CNGA3: variants seen among roughly 807,000 people sequenced by gnomAD.
The protein encoded by CNGA3 is cyclic nucleotide gated channel subunit alpha 3.
In CNGA3, 42 loss-of-function variants were observed where a neutral mutation model predicts 46.6. That is an observed-to-expected ratio of 0.90 (90% CI 0.70 to 1.17). The LOEUF (loss-of-function observed/expected upper bound fraction) is 1.17, where lower values mean the gene tolerates loss of function less well. Among genes scored for constraint, CNGA3 ranks in the 50% most tolerant of loss-of-function variants. The probability of loss-of-function intolerance (pLI) is 0.00; values close to 1 mark genes in which losing one functional copy is unlikely to be tolerated. For synonymous variants in CNGA3, 394 were observed against 369.4 expected, an observed-to-expected ratio of 1.07 and a Z score of -0.76; for missense variants, 893 against 890.7, an observed-to-expected ratio of 1.00 and a Z score of -0.03.
chr2:98,362,173 C>CTTTTTTT (rs1231791527), intron 1 of CNGA3, among the ~76,000 whole-genome samples: 6 of 89,826 alleles, frequency 6.7e-5, no homozygotes, highest in Admixed American at 1.3e-4. Flanking sequence ...CCTTTGCCCA[C>CTTTTTTT]TTTTTTTTTT....
At position 98,389,857 on chromosome 2, in the gene CNGA3, G is replaced by A. The variant is rs75997200; in HGVS notation, c.566+83G>A. 3.8e-4 allele frequency: 439 copies of A among 1,146,752 alleles called. 4 individuals carry two copies. In the East Asian group the frequency reaches 9.6e-3, roughly 25 times the overall value. 71.0% of individuals were successfully genotyped at this position (1,146,752 alleles called of 1,614,324 possible). On this transcript the variant is annotated intron_variant, in intron 6 of 7. Transcript: ENST00000272602. Reference sequence around the variant, plus strand: ...GGAGCCAGAGCTCCACCTCTCCCTCGGGAGGCCTGAGGCCTGGACCCCTCA... The same window carrying A: ...GGAGCCAGAGCTCCACCTCTCCCTCAGGAGGCCTGAGGCCTGGACCCCTCA...
At chr2:98,373,889 C>T (rs1692346423) in intron 2 of CNGA3, among the ~76,000 whole-genome samples, 1 of 152,166 alleles carries the variant, frequency 6.6e-6, no homozygotes. Context: ...TGTGTTACTC[C>T]CTGAGCAGAG....
rs1174225295 is a variant in CNGA3 at position 98,383,388 on chromosome 2, C to T, written c.396C>T (p.Ser132=). The T allele has an allele frequency of 4.3e-6, 7 of 1,614,058 alleles. No individual in the cohort carries two copies. The highest frequency in any genetic ancestry group is 3.4e-6 in the Non-Finnish European group (4 of 1,179,992). Residue 132 remains serine (S), a splice_region_variant and synonymous_variant, in exon 5 of 8, where the codon AGC becomes AGT. Transcript: ENST00000272602. ...TGATGTTCTCTCTACCTTCCCGCAG[C>T]GCCTGGCCCCTGGCCAAATGCAACA... ...GSQEPADRGR[S]AWPLAKCNTN... is the part of the protein sequence containing the mutation.
intron 1 of CNGA3, among the ~76,000 whole-genome samples, chr2:98,363,026 T>A (rs1406531456): frequency 6.6e-6 from 1 of 152,190 alleles, no homozygotes; most frequent in East Asian, 1.9e-4. Context: ...TATTTTTGTA[T>A]CAGTACCATG....
intron 2 of CNGA3, 75 bp from the exon 3 acceptor site, chr2:98,377,612 G>T (rs527554090): frequency 3.6e-6 from 5 of 1,385,340 alleles, no homozygotes; most frequent in Non-Finnish European, 5.0e-6. Flanking sequence ...ACATCTGACT[G>T]TCTCACTCCT....
intron 2 of CNGA3, chr2:98,377,449 C>A: frequency 2.0e-6 from 1 of 506,762 alleles, no homozygotes; most frequent in East Asian, 3.6e-5. Context: ...ACCTTCCCGT[C>A]CTTTCACCTA....
At chr2:98,395,711 G>A (rs949180855) in intron 7 of CNGA3, 133 bp from the exon 8 acceptor site, 1 of 738,238 alleles carries the variant, frequency 1.4e-6, no homozygotes, top group South Asian at 1.6e-5. Flanking sequence ...GGTAAGTGTT[G>A]TTTTTGAAAT....
In CNGA3 at chr2:98,396,500, C is replaced by T; in HGVS notation, c.1330C>T (p.Leu444=). The part of the protein sequence containing the change: ...ETRVIRWFDY[L]WANKKTVDEK... ...GCGGGTTATCCGGTGGTTTGACTAC[C>T]TGTGGGCCAACAAGAAGACGGTGGA... Residue 444 remains leucine, a synonymous_variant, in exon 8 of 8, where the codon CTG becomes TTG. Transcript: ENST00000272602. 6.2e-7 allele frequency: 1 copy of T among 1,613,996 alleles called. No individual in the cohort carries two copies. Among genetic ancestry groups the T allele is most frequent in the Non-Finnish European group, 8.5e-7 (1 of 1,180,038 alleles).
intron 4 of CNGA3, among the ~76,000 whole-genome samples, chr2:98,380,913 G>A (rs977297349): frequency 6.6e-6 from 1 of 152,192 alleles, no homozygotes; most frequent in African/African-American, 2.4e-5. Context: ...TGGGGAAGGG[G>A]ACAATGGTGA....
chr2:98,352,468 C>T, intron 1 of CNGA3, among the ~76,000 whole-genome samples: 1 of 152,142 alleles, frequency 6.6e-6, no homozygotes, highest in East Asian at 1.9e-4. Flanking sequence ...AGCTGTTCTC[C>T]AAAGTGGCTA....
intron 4 of CNGA3, 119 bp downstream of exon 4, chr2:98,380,473 G>A (rs1161524168): frequency 5.5e-6 from 7 of 1,274,722 alleles, no homozygotes; most frequent in Non-Finnish European, 7.8e-6. Context: ...ATCCCCATGA[G>A]CTGTTCCTTG....
At chr2:98,395,016 C>G (rs528814408) in intron 7 of CNGA3, among the ~76,000 whole-genome samples, 1 of 152,300 alleles carries the variant, frequency 6.6e-6, no homozygotes, top group African/African-American at 2.4e-5. Context: ...CTGCCTGCTG[C>G]CTGCTCTGTC....
At position 98,377,708 on chromosome 2, in the gene CNGA3, G is replaced by T. The variant is rs763837833; in HGVS notation, c.123G>T (p.Glu41Asp). ...GLSRAHSSSE[E>D]TSSVLQPGIA... ...CTAGAGCCCACTCGTCAAGTGAGGA[G>T]ACATCGTCAGTGCTGCAGCCGGGGA... Residue 41 changes from glutamate to aspartate, a missense_variant, in exon 3 of 8, where the codon GAG becomes GAT. This residue lies in a region of CNGA3 where 333 missense variants were observed against 290.8 expected (regional missense o/e 1.15). Coordinates refer to ENST00000272602, the MANE Select transcript of CNGA3 (RefSeq NM_001298.3). 7 of 1,613,436 alleles carry T rather than the reference G, an allele frequency of 4.3e-6. No individual in the cohort carries two copies. The Admixed American group carries it at 1.2e-4, about 27-fold the overall frequency.
At position 98,396,801 on chromosome 2, in the gene CNGA3, G is replaced by A; in HGVS notation, c.1631G>A (p.Gly544Asp). Residue 544 changes from glycine to aspartate, a missense_variant, in exon 8 of 8, where the codon GGC (glycine) becomes GAC (aspartate). This residue lies in a region of CNGA3 where 548 missense variants were observed against 570.8 expected (regional missense o/e 0.96). Coordinates refer to ENST00000272602, the MANE Select transcript of CNGA3 (RefSeq NM_001298.3). The part of the protein sequence containing the change: ...GVTQFVVLSD[G>D]SYFGEISILN... The stretch of plus-strand genomic sequence containing the variant: ...ACCCAGTTCGTGGTCCTCAGCGATG[G>A]CAGCTACTTCGGGGAGATCAGCATT... 1 of 1,614,178 alleles carries A rather than the reference G, an allele frequency of 6.2e-7. No homozygotes were observed. Among genetic ancestry groups the A allele is most frequent in the Non-Finnish European group, 8.5e-7 (1 of 1,180,030 alleles).
At chr2:98,348,543 C>G (rs114489838) in intron 1 of CNGA3, among the ~76,000 whole-genome samples, 4,230 of 152,242 alleles carry the variant, frequency 0.028, 184 homozygotes, top group African/African-American at 0.096. Flanking sequence ...GTTCCAGAAC[C>G]CTTCTCCGTC....
In CNGA3 at chr2:98,396,448, C is replaced by T. The variant is rs908538071; in HGVS notation, c.1278C>T (p.Phe426=). The T allele has an allele frequency of 9.3e-6, 15 of 1,613,864 alleles. 1 individual carries two copies. Among genetic ancestry groups the T allele is most frequent in the East Asian group, 4.5e-5 (2 of 44,868 alleles). The change falls in exon 8 of 8, where the codon TTC becomes TTT. Residue 426 remains phenylalanine (F), a synonymous_variant. Transcript: ENST00000272602. ...ATTCCATCAAGCAGTACATGCAGTTCCGCAAGGTCACCAAGGACTTGGAGA... is the reference window on the plus strand; with the variant it reads ...ATTCCATCAAGCAGTACATGCAGTTTCGCAAGGTCACCAAGGACTTGGAGA... ...KIDSIKQYMQ[F]RKVTKDLETR... is the part of the protein sequence containing the mutation.
At chr2:98,390,743 G>T (rs1399974419) in intron 6 of CNGA3, among the ~76,000 whole-genome samples, 1 of 152,130 alleles carries the variant, frequency 6.6e-6, no homozygotes, top group Non-Finnish European at 1.5e-5. Flanking sequence ...GCTCTCTCTA[G>T]GTAAGCATGG....
Position 98,397,230 on chromosome 2 carries a change from C to T in CNGA3, c.2060C>T (p.Thr687Ile), listed in dbSNP as rs772341630. The T allele has an allele frequency of 8.1e-6, 13 of 1,613,880 alleles. No homozygotes were observed. The highest frequency in any genetic ancestry group is 1.1e-5 in the South Asian group (1 of 91,084). ...GATGGGGAAGTTCCCGGGGATGCTA[C>T]AAAAACAGAGGACAAACAACAGTGA... ...LADGEVPGDA[T>I]KTEDKQQ Residue 687 changes from threonine (T) to isoleucine (I), a missense_variant, in exon 8 of 8, where the codon ACA becomes ATA. Physicochemically the swap from Thr to Ile is moderately conservative, Grantham distance 89 (BLOSUM62 -1). This residue lies in a region of CNGA3 where 548 missense variants were observed against 570.8 expected (regional missense o/e 0.96). Coordinates refer to ENST00000272602, the MANE Select transcript of CNGA3 (RefSeq NM_001298.3).
In CNGA3 at chr2:98,389,785, G is replaced by C; in HGVS notation, c.566+11G>C. On this transcript the variant is annotated intron_variant, in intron 6 of 7. Transcript: ENST00000272602. ...TCTGCTTATTTGCAGGTAAGCGACA[G>C]GGGTGGAAGGTGCAGCGGAAAGGGG... 1 of 1,606,082 alleles carries C rather than the reference G, an allele frequency of 6.2e-7. No homozygotes were observed. Among genetic ancestry groups the C allele is most frequent in the Non-Finnish European group, 8.5e-7 (1 of 1,174,062 alleles).
Sources: allele counts gnomAD v4.1 joint callset (sites outside exome capture counted in the v4.1 genomes callset), GRCh38; gene constraint gnomAD v4.1.1; regional missense constraint gnomAD v4.1.1; transcripts MANE v1.5; gene names NCBI Gene and HGNC (gene_info 2026-07-23, HGNC 2026-07-21).